Variants in NCALD observed in about 807,000 individuals in gnomAD.
NCALD encodes neurocalcin delta.
In NCALD, 10 loss-of-function variants were observed where a neutral mutation model predicts 18.6. The ratio of observed to expected loss-of-function variants is 0.54; its 90% CI spans 0.33 to 0.91. NCALD has a LOEUF of 0.91. Ranked by LOEUF, NCALD falls within the 40% of genes least tolerant of loss-of-function variation. The pLI is 0.03. For synonymous variants in NCALD, 88 were observed against 87.4 expected (o/e 1.01, Z -0.04); for missense variants, 184 against 247.6 (o/e 0.74, Z 1.72).
intron 2 of NCALD, among the ~76,000 whole-genome samples, chr8:101,701,467 CT>C (rs1815263678): frequency 6.6e-6 from 1 of 152,216 alleles, no homozygotes. Flanking sequence ...GAGCCCAGCC[CT>C]GACTCTGCCC....
At chr8:101,752,300 T>A (rs530096991) in intron 1 of NCALD, among the ~76,000 whole-genome samples, 17 of 152,346 alleles carry the variant, frequency 1.1e-4, no homozygotes, top group African/African-American at 4.1e-4. Flanking sequence ...GAGGTTATAG[T>A]CATGGAGACA....
At chr8:101,899,311 T>G (rs1401709886) in intron 3 of NCALD, among the ~76,000 whole-genome samples, 1 of 151,994 alleles carries the variant, frequency 6.6e-6, no homozygotes, top group East Asian at 1.9e-4. Context: ...TGAATTTTTC[T>G]AGTAGACAAT....
intron 2 of NCALD, among the ~76,000 whole-genome samples, chr8:101,939,536 A>G (rs760648840): frequency 1.3e-5 from 2 of 152,226 alleles, no homozygotes; most frequent in Non-Finnish European, 2.9e-5. Flanking sequence ...AGCTTTAAGT[A>G]GCTTAACTTT....
chr8:101,866,618 C>A (rs561204701), intron 4 of NCALD, among the ~76,000 whole-genome samples: 1 of 152,128 alleles, frequency 6.6e-6, no homozygotes, highest in Non-Finnish European at 1.5e-5. Flanking sequence ...TTGTTTAAAC[C>A]AAAACCATGG....
chr8:101,890,128 A>G (rs1448525107), intron 3 of NCALD, among the ~76,000 whole-genome samples: 1 of 152,250 alleles, frequency 6.6e-6, no homozygotes, highest in Non-Finnish European at 1.5e-5. Context: ...ACAAAAGACC[A>G]GTATTCAGGT....
In NCALD at chr8:102,012,555, G is replaced by A. The variant is rs114514967; in HGVS notation, c.-157+7682C>T. Among the ~76,000 whole-genome samples, 1,006 of 152,328 alleles carry A rather than the reference G, an allele frequency of 6.6e-3. 10 individuals are homozygous for A. Among genetic ancestry groups the A allele is most frequent in the African/African-American group, 0.019 (800 of 41,584 alleles). ...CCTGCCTCAAACACTCCTCTAGTGC[G>A]GGGAGTAGCGGGATGTGTAATCACA... On this transcript the variant is annotated intron_variant, in intron 2 of 6. Transcript: ENST00000311028.
chr8:101,841,374 C>T (rs981833830), intron 4 of NCALD, among the ~76,000 whole-genome samples: 4 of 152,208 alleles, frequency 2.6e-5, no homozygotes, highest in Non-Finnish European at 4.4e-5. Flanking sequence ...TCTTCCCTTC[C>T]TCTAACACAG....
At chr8:101,782,102 CATATAAT>C (rs1812039974) in intron 1 of NCALD, among the ~76,000 whole-genome samples, 2 of 142,428 alleles carry the variant, frequency 1.4e-5, no homozygotes, top group Non-Finnish European at 3.1e-5. Flanking sequence ...TATAAATATA[CATATAAT>C]ATATATTTAT....
Position 101,927,071 on chromosome 8 carries a change from C to A in NCALD, c.-156-11213G>T, listed in dbSNP as rs566219306. 3.9e-5 allele frequency among the ~76,000 whole-genome samples: 6 copies of A among 152,138 alleles called. No homozygotes were observed. The South Asian group carries it at 1.2e-3, about 32-fold the overall frequency. On this transcript the variant is annotated intron_variant, in intron 2 of 6. Coordinates refer to the NCALD transcript ENST00000311028. ...CTTCACTCTGAGTATTGCTGGTTTG[C>A]AGTCACTTCCCACCAGGGACCAGAT... is the stretch of plus-strand genomic sequence containing the variant.
intron 2 of NCALD, among the ~76,000 whole-genome samples, chr8:101,919,462 T>A (rs1818086839): frequency 6.6e-6 from 1 of 152,040 alleles, no homozygotes; most frequent in Admixed American, 6.6e-5. Flanking sequence ...TTCTGGACAT[T>A]AGCCTTGGAA....
chr8:101,909,952 A>T (rs1279851642), intron 3 of NCALD, among the ~76,000 whole-genome samples: 1 of 152,164 alleles, frequency 6.6e-6, no homozygotes, highest in Non-Finnish European at 1.5e-5. Context: ...ATGGGTTAAA[A>T]ATGTCTCCAC....
Position 101,688,398 on chromosome 8 carries a change from A to C in NCALD, c.*911T>G, listed in dbSNP as rs1017829995. The C allele has an allele frequency of 3.7e-6, 1 of 268,006 alleles. No individual in the cohort carries two copies. The highest frequency in any genetic ancestry group is 7.5e-6 in the Non-Finnish European group (1 of 133,408). 16.6% of individuals were successfully genotyped at this position (268,006 alleles called of 1,614,324 possible). A position where few individuals can be genotyped will look rare whatever the true frequency, so the allele number is the denominator to read the frequency against. ...TACTTGTCGATTGGTACATTTGTGCAAAGACAGATATGACTTCCAAACAAG... is the reference window on the plus strand; with the variant it reads ...TACTTGTCGATTGGTACATTTGTGCCAAGACAGATATGACTTCCAAACAAG... On this transcript the variant is annotated 3_prime_UTR_variant, in exon 4 of 4. Transcript: ENST00000220931.
rs143195584 is a variant in NCALD at position 101,939,418 on chromosome 8, C to T, written c.-156-23560G>A. ...CACAGAAGCCAATTGTACATGAACC[C>T]GTGGCAAGCATTACTAAGTAGGTTG... On this transcript the variant is annotated intron_variant, in intron 2 of 6. Transcript: ENST00000311028. 5.2e-4 allele frequency among the ~76,000 whole-genome samples: 79 copies of T among 152,280 alleles called. No individual in the cohort carries two copies. The East Asian group carries it at 7.5e-3, about 14-fold the overall frequency.
chr8:101,950,631 G>T (rs1466161925), intron 2 of NCALD, among the ~76,000 whole-genome samples: 3 of 152,210 alleles, frequency 2.0e-5, no homozygotes, highest in South Asian at 2.1e-4. Flanking sequence ...TGGAATGTGG[G>T]CAGAGTACAG....
intron 1 of NCALD, among the ~76,000 whole-genome samples, chr8:101,721,606 A>C (rs1327907408): frequency 6.6e-6 from 1 of 152,122 alleles, no homozygotes; most frequent in East Asian, 1.9e-4. Flanking sequence ...ACTAAAAATA[A>C]ACTTCTACGG....
chr8:101,751,844 C>A (rs1361651583), intron 1 of NCALD, among the ~76,000 whole-genome samples: 2 of 152,180 alleles, frequency 1.3e-5, no homozygotes, highest in African/African-American at 4.8e-5. Flanking sequence ...GGCTGCCAGG[C>A]CCTTTGACCA....
At chr8:101,948,094 T>A (rs1455812489) in intron 2 of NCALD, among the ~76,000 whole-genome samples, 1 of 152,212 alleles carries the variant, frequency 6.6e-6, no homozygotes, top group Non-Finnish European at 1.5e-5. Flanking sequence ...CAGGAAAATA[T>A]GTGATGGGTT....
At chr8:101,971,150 C>T (rs567075794) in intron 2 of NCALD, among the ~76,000 whole-genome samples, 136 of 152,208 alleles carry the variant, frequency 8.9e-4, no homozygotes, top group African/African-American at 3.1e-3. Context: ...GCTAACTAAA[C>T]CTCTTTTCTT....
intron 1 of NCALD, among the ~76,000 whole-genome samples, chr8:102,107,173 C>A (rs1825483516): frequency 8.5e-6 from 1 of 118,202 alleles, no homozygotes; most frequent in Admixed American, 9.5e-5. Context: ...AATTATTTAT[C>A]TACAGCCTAT....
Sources: gnomAD v4.1 joint callset for allele counts (sites outside exome capture counted in the v4.1 genomes callset) on GRCh38, gnomAD v4.1.1 for gene constraint, MANE v1.5 for transcripts, NCBI Gene and HGNC (gene_info 2026-07-23, HGNC 2026-07-21) for gene names.